CDH2: variants seen among roughly 807,000 people sequenced by gnomAD.
The protein encoded by CDH2 is cadherin-2.
In CDH2, 17 loss-of-function variants were observed where a neutral mutation model predicts 92.0. The observed-to-expected ratio is 0.18, with a 90% confidence interval of 0.13 to 0.28. The LOEUF (loss-of-function observed/expected upper bound fraction) is 0.28, where lower values mean the gene tolerates loss of function less well. CDH2 is among the 10% of genes least tolerant of loss of function. The pLI, the probability that CDH2 is intolerant of heterozygous loss-of-function variation, is 1.00. For missense variants in CDH2, 862 were observed against 1,133.1 expected, an observed-to-expected ratio of 0.76 and a Z score of 3.44; for synonymous variants, 419 against 415.9, an observed-to-expected ratio of 1.01 and a Z score of -0.09.
intron 15 of CDH2, among the ~76,000 whole-genome samples, chr18:27,954,301 G>C (rs1228232598): frequency 6.6e-6 from 1 of 152,166 alleles, no homozygotes; most frequent in Non-Finnish European, 1.5e-5. Context: ...ACTGCCCTCA[G>C]TGATTCACTG....
intron 2 of CDH2, among the ~76,000 whole-genome samples, chr18:28,095,806 T>TAA (rs770277040): frequency 8.0e-5 from 1 of 12,574 alleles, no homozygotes; most frequent in African/African-American, 4.6e-4. Flanking sequence ...TGCAACTCCA[T>TAA]CAAAAAAAAA....
At chr18:27,970,992 C>G (rs929384812) in intron 14 of CDH2, among the ~76,000 whole-genome samples, 4 of 152,160 alleles carry the variant, frequency 2.6e-5, no homozygotes, top group Admixed American at 2.0e-4. Flanking sequence ...AATCCCAGTA[C>G]TTTGGGAGGC....
intron 1 of CDH2, among the ~76,000 whole-genome samples, chr18:28,154,283 T>C (rs1328880042): frequency 1.3e-5 from 2 of 152,238 alleles, no homozygotes; most frequent in Non-Finnish European, 2.9e-5. Context: ...CCTTTAGCAA[T>C]TCTCCTCTTC....
intron 2 of CDH2, among the ~76,000 whole-genome samples, chr18:28,093,495 T>C (rs920791201): frequency 2.0e-5 from 3 of 152,092 alleles, no homozygotes; most frequent in Non-Finnish European, 4.4e-5. Context: ...GACTCCCATA[T>C]GGAAGATACT....
chr18:27,979,047 C>T (rs1442463723), intron 14 of CDH2, among the ~76,000 whole-genome samples: 2 of 151,936 alleles, frequency 1.3e-5, no homozygotes, highest in African/African-American at 4.8e-5. Flanking sequence ...AACTTCTGTT[C>T]ACCTAAAGAC....
intron 2 of CDH2, among the ~76,000 whole-genome samples, chr18:28,063,380 AAC>A (rs545469254): frequency 3.3e-5 from 5 of 152,228 alleles, no homozygotes; most frequent in Non-Finnish European, 7.3e-5. Context: ...GCAGAAGAAT[AAC>A]ACACTGTTTC....
At chr18:27,997,958 A>C (rs1662729) in intron 7 of CDH2, among the ~76,000 whole-genome samples, 76,729 of 151,322 alleles carry the variant, frequency 0.51, 19,523 homozygotes, top group South Asian at 0.58. Flanking sequence ...AGGCGCCCGC[A>C]ACCACGCCTG....
intron 2 of CDH2, among the ~76,000 whole-genome samples, chr18:28,047,824 G>C (rs181073101): frequency 0.014 from 1,970 of 145,220 alleles, 27 homozygotes; most frequent in Non-Finnish European, 0.018. Context: ...AGCCGAGATC[G>C]GGCCACTGCA....
chr18:28,142,157 C>A (rs1289801039), intron 2 of CDH2, among the ~76,000 whole-genome samples: 2 of 151,950 alleles, frequency 1.3e-5, no homozygotes, highest in Admixed American at 6.6e-5. Context: ...ACGGCCTGTG[C>A]GATCTTAAAA....
chr18:28,166,356 C>T (rs2144362535), intron 1 of CDH2, among the ~76,000 whole-genome samples: 1 of 151,628 alleles, frequency 6.6e-6, no homozygotes, highest in African/African-American at 2.4e-5. Flanking sequence ...TTGAGTACAC[C>T]ACTATCTCCC....
chr18:28,126,373 AT>A (rs1329058960), intron 2 of CDH2, among the ~76,000 whole-genome samples: 1 of 152,188 alleles, frequency 6.6e-6, no homozygotes, highest in Non-Finnish European at 1.5e-5. Flanking sequence ...AAGATGGCAT[AT>A]GGCCTTTGAA....
At chr18:28,035,494 G>A (rs759194640) in intron 2 of CDH2, among the ~76,000 whole-genome samples, 7 of 151,900 alleles carry the variant, frequency 4.6e-5, no homozygotes, top group Non-Finnish European at 8.8e-5. Context: ...GACTTTCAAA[G>A]TTACTTTATG....
At chr18:28,010,128 A>T (rs1004336019) in intron 4 of CDH2, among the ~76,000 whole-genome samples, 1 of 152,230 alleles carries the variant, frequency 6.6e-6, no homozygotes, top group Non-Finnish European at 1.5e-5. Flanking sequence ...GCAGTGCAAA[A>T]GTTCCAAATC....
At chr18:28,150,324 C>T (rs1169549870) in intron 1 of CDH2, among the ~76,000 whole-genome samples, 2 of 152,130 alleles carry the variant, frequency 1.3e-5, no homozygotes, top group African/African-American at 2.4e-5. Context: ...GTAGAGTATG[C>T]GGGTTTGTGG....
chr18:28,167,363 C>A (rs567681377), intron 1 of CDH2, among the ~76,000 whole-genome samples: 4 of 152,140 alleles, frequency 2.6e-5, no homozygotes, highest in African/African-American at 7.2e-5. Flanking sequence ...GTGCGAGTGG[C>A]CTTTAGCTGC....
intron 1 of CDH2, among the ~76,000 whole-genome samples, chr18:28,159,658 G>GTTT (rs775758310): frequency 7.4e-6 from 1 of 134,928 alleles, no homozygotes; most frequent in African/African-American, 2.7e-5. Context: ...CAATTTTTTT[G>GTTT]TTTTTTTTTT....
intron 6 of CDH2, among the ~76,000 whole-genome samples, chr18:27,938,493 G>T (rs527630211): frequency 8.5e-5 from 13 of 152,200 alleles, no homozygotes; most frequent in African/African-American, 2.9e-4. Flanking sequence ...ATTTTAAGGT[G>T]ATAAAATGTT....
intron 1 of CDH2, among the ~76,000 whole-genome samples, chr18:28,167,843 C>A (rs141416366): frequency 6.6e-6 from 1 of 152,084 alleles, no homozygotes; most frequent in Admixed American, 6.6e-5. Flanking sequence ...AGAACTCAAT[C>A]GTAAAGGTGT....
At chr18:28,167,696 T>C (rs2016406631) in intron 1 of CDH2, among the ~76,000 whole-genome samples, 2 of 152,274 alleles carry the variant, frequency 1.3e-5, no homozygotes, top group Middle Eastern at 6.8e-3. Context: ...TAGGAACATT[T>C]AGCAGGCTGT....
Sources: allele counts gnomAD v4.1 joint callset (sites outside exome capture counted in the v4.1 genomes callset), GRCh38; gene constraint gnomAD v4.1.1; transcripts MANE v1.5; gene names NCBI Gene and HGNC (gene_info 2026-07-23, HGNC 2026-07-21).